C10orf90: variants seen among roughly 807,000 people sequenced by gnomAD.
C10orf90 encodes (E2-independent) E3 ubiquitin-conjugating enzyme FATS.
A neutral mutation model predicts 62.5 loss-of-function variants in C10orf90; 56 were observed. The observed-to-expected ratio is 0.90, with a 90% CI of 0.72 to 1.12. The LOEUF (loss-of-function observed/expected upper bound fraction) is 1.12. Among genes scored for constraint, C10orf90 ranks in the 50% most tolerant of loss-of-function variants. The pLI is 0.00. For synonymous variants in C10orf90, 386 were observed against 340.4 expected (o/e 1.13, Z -1.47); for missense variants, 970 against 880.4 (o/e 1.10, Z -1.29).
intron 2 of C10orf90, among the ~76,000 whole-genome samples, chr10:126,644,265 A>G (rs1042054094): frequency 6.6e-6 from 1 of 152,162 alleles, no homozygotes; most frequent in Non-Finnish European, 1.5e-5. Flanking sequence ...CTGTATTCAG[A>G]GCTGAGCTTA....
chr10:126,461,857 T>C (rs1056491167), intron 5 of C10orf90, among the ~76,000 whole-genome samples: 2 of 152,142 alleles, frequency 1.3e-5, no homozygotes, highest in Non-Finnish European at 2.9e-5. Context: ...ATGGCTTTGC[T>C]CAAAATGAAA....
At position 126,462,757 on chromosome 10, in the gene C10orf90, A is replaced by G. The variant is rs867293128; in HGVS notation, c.1826-1172T>C. ...GATTACAACGACTACAACAACTACA[A>G]CTCACCATTTATGCCTGGGTCCTCC... On this transcript the variant is annotated intron_variant, in intron 5 of 9. Transcript: ENST00000488181. Among the ~76,000 whole-genome samples, 5 of 151,546 alleles carry G rather than the reference A, an allele frequency of 3.3e-5. No individual in the cohort carries two copies. In the South Asian group the frequency reaches 1.0e-3, roughly 32 times the overall value.
chr10:126,619,148 G>A (rs1845597804), intron 2 of C10orf90, among the ~76,000 whole-genome samples: 1 of 152,130 alleles, frequency 6.6e-6, no homozygotes, highest in Admixed American at 6.6e-5. Context: ...TGCTGTGTGT[G>A]GCAGTGCTTT....
chr10:126,634,043 G>T (rs1248096927), intron 2 of C10orf90, among the ~76,000 whole-genome samples: 1 of 152,196 alleles, frequency 6.6e-6, no homozygotes, highest in African/African-American at 2.4e-5. Context: ...AATGTAGAAT[G>T]TTGCAGCCAC....
chr10:126,635,933 C>G (rs1845942698), intron 2 of C10orf90, among the ~76,000 whole-genome samples: 2 of 152,086 alleles, frequency 1.3e-5, no homozygotes, highest in African/African-American at 4.8e-5. Flanking sequence ...ACAACTGAAT[C>G]TCTCACAATA....
intron 8 of C10orf90, 75 bp from the exon 9 acceptor site, chr10:126,426,165 G>T: frequency 8.6e-7 from 1 of 1,164,752 alleles, no homozygotes; most frequent in Non-Finnish European, 1.3e-6. Context: ...ATCCTGTCTT[G>T]ACGGCAGGCT....
At chr10:126,542,527 T>C (rs1406241109) in intron 2 of C10orf90, among the ~76,000 whole-genome samples, 2 of 152,026 alleles carry the variant, frequency 1.3e-5, no homozygotes, top group Non-Finnish European at 1.5e-5. Flanking sequence ...TAAAAAATAA[T>C]ACTTTTTTTA....
chr10:126,662,435 A>T (rs1208703677), intron 1 of C10orf90, among the ~76,000 whole-genome samples: 1 of 152,170 alleles, frequency 6.6e-6, no homozygotes, highest in Non-Finnish European at 1.5e-5. Flanking sequence ...AGCACAGATT[A>T]ATTTTCAGCC....
chr10:126,545,537 G>A (rs1016529354), intron 2 of C10orf90, among the ~76,000 whole-genome samples: 12 of 151,934 alleles, frequency 7.9e-5, no homozygotes, highest in African/African-American at 2.2e-4. Context: ...TACTCTAGCC[G>A]TTGCCTACCA....
chr10:126,651,436 C>A (rs1321700612), intron 1 of C10orf90, among the ~76,000 whole-genome samples: 1 of 152,086 alleles, frequency 6.6e-6, no homozygotes, highest in African/African-American at 2.4e-5. Flanking sequence ...TACCTCAGAT[C>A]CTGCTGGAGT....
chr10:126,652,494 A>G (rs1226929519), intron 1 of C10orf90, among the ~76,000 whole-genome samples: 2 of 152,166 alleles, frequency 1.3e-5, no homozygotes, highest in East Asian at 3.9e-4. Flanking sequence ...ATCAGGATGT[A>G]AAGTGGATAT....
At chr10:126,433,731 C>CA (rs550647510) in intron 7 of C10orf90, among the ~76,000 whole-genome samples, 1 of 151,718 alleles carries the variant, frequency 6.6e-6, no homozygotes, top group African/African-American at 2.4e-5. Context: ...CAAAACAAAA[C>CA]GAAAACAAAA....
intron 2 of C10orf90, among the ~76,000 whole-genome samples, chr10:126,567,958 A>G (rs1016520712): frequency 7.9e-5 from 12 of 151,802 alleles, no homozygotes; most frequent in Non-Finnish European, 7.3e-5. Context: ...TTTATTGTAC[A>G]AGAAATGGGA....
Position 126,644,976 on chromosome 10 carries a change from T to A in C10orf90, c.313+1589A>T, listed in dbSNP as rs144242449. 5.7e-3 allele frequency among the ~76,000 whole-genome samples: 867 copies of A among 152,284 alleles called. 41 individuals carry two copies. The highest frequency in any genetic ancestry group is 0.046 in the Admixed American group (697 of 15,300). ...GTTTTCAAAGAGTTCAAACTAAATA[T>A]CTGTCACTATCATTCTCAGTAAACT... On this transcript the variant is annotated intron_variant, in intron 2 of 9. Transcript: ENST00000488181.
Position 126,504,718 on chromosome 10 carries a change from T to TC in C10orf90, c.772dup (p.Asp258GlyfsTer10). On this transcript the variant is annotated frameshift_variant, in exon 4 of 10. Transcript: ENST00000488181. LOFTEE classifies it high-confidence loss of function. The surrounding 1 kb of genome is among the most constrained non-coding windows in gnomAD (Gnocchi z 4.1). Reference sequence around the variant, plus strand: ...AGCCCTGCACTTGGGGCACAGAGAGTCCCCAGCAGTCCCCCACACCAGGGC... The same window carrying TC: ...AGCCCTGCACTTGGGGCACAGAGAGTCCCCCAGCAGTCCCCCACACCAGGGC... The TC allele has an allele frequency of 6.2e-7, 1 of 1,605,656 alleles. No homozygotes were observed.
chr10:126,533,586 C>G (rs148897584), intron 2 of C10orf90, among the ~76,000 whole-genome samples: 60 of 152,296 alleles, frequency 3.9e-4, no homozygotes, highest in South Asian at 4.1e-4. Context: ...TGGATGGACT[C>G]TAACCCTCTT....
intron 2 of C10orf90, among the ~76,000 whole-genome samples, chr10:126,532,631 A>C (rs1864123565): frequency 6.6e-6 from 1 of 151,516 alleles, no homozygotes; most frequent in South Asian, 2.1e-4. Flanking sequence ...AGGTCAGGAA[A>C]TCGAGACCAT....
intron 2 of C10orf90, chr10:126,523,035 G>C (rs1208264394): frequency 6.6e-6 from 1 of 152,162 alleles, no homozygotes; most frequent in African/African-American, 2.4e-5. Context: ...AAAACAGTGT[G>C]TTATTAGATA....
intron 2 of C10orf90, among the ~76,000 whole-genome samples, chr10:126,604,987 A>G (rs1845276072): frequency 6.6e-6 from 1 of 152,364 alleles, no homozygotes; most frequent in Admixed American, 6.5e-5. Context: ...TCAGAAAAGA[A>G]AAGCCAAAAC....
Sources: allele counts gnomAD v4.1 joint callset (sites outside exome capture counted in the v4.1 genomes callset), GRCh38; gene constraint gnomAD v4.1.1; non-coding constraint Gnocchi (gnomAD v3.1); transcripts MANE v1.5; gene names NCBI Gene and HGNC (gene_info 2026-07-23, HGNC 2026-07-21).